Variants in NTRK2 observed in about 807,000 individuals in gnomAD.
NTRK2 encodes the protein BDNF/NT-3 growth factors receptor.
A neutral mutation model predicts 94.5 loss-of-function variants in NTRK2; 13 were observed. The ratio of observed to expected loss-of-function variants is 0.14; its 90% CI spans 0.09 to 0.22. NTRK2 has a LOEUF of 0.22. NTRK2 is among the 10% of genes least tolerant of loss of function. The pLI is 1.00. For synonymous variants in NTRK2, 372 were observed against 407.4 expected, an observed-to-expected ratio of 0.91 and a Z score of 1.05; for missense variants, 639 against 1,071.2, an observed-to-expected ratio of 0.60 and a Z score of 5.63.
intron 12 of NTRK2, among the ~76,000 whole-genome samples, chr9:84,819,084 C>T (rs1000905874): frequency 2.6e-5 from 4 of 152,158 alleles, no homozygotes; most frequent in Admixed American, 2.6e-4. Flanking sequence ...AAATCTCTGC[C>T]TGACCATAAA....
At chr9:84,759,684 G>A (rs1369663476) in intron 12 of NTRK2, among the ~76,000 whole-genome samples, 2 of 152,268 alleles carry the variant, frequency 1.3e-5, no homozygotes, top group Admixed American at 1.3e-4. Context: ...ATAGCTTATG[G>A]CCTATTTCAG....
chr9:84,995,826 G>A (rs1193153052), intron 17 of NTRK2, among the ~76,000 whole-genome samples: 7 of 152,184 alleles, frequency 4.6e-5, no homozygotes, highest in Admixed American at 4.6e-4. Flanking sequence ...AATTCCAGAT[G>A]CTTAAAGTTT....
At chr9:84,901,540 T>C (rs1001342634) in intron 14 of NTRK2, among the ~76,000 whole-genome samples, 1 of 152,124 alleles carries the variant, frequency 6.6e-6, no homozygotes, top group Admixed American at 6.6e-5. Flanking sequence ...CCATAATTTT[T>C]AAGACGTAAA....
intron 12 of NTRK2, among the ~76,000 whole-genome samples, chr9:84,816,736 G>A (rs1172240896): frequency 1.5e-5 from 2 of 136,870 alleles, no homozygotes; most frequent in East Asian, 2.1e-4. Flanking sequence ...CCAAGGTTGC[G>A]CCATTGCACT....
intron 16 of NTRK2, among the ~76,000 whole-genome samples, chr9:84,953,515 G>A (rs1189860741): frequency 6.6e-6 from 1 of 152,212 alleles, no homozygotes; most frequent in East Asian, 1.9e-4. Flanking sequence ...ATATCCCGGA[G>A]CTTTGGCCAC....
intron 14 of NTRK2, among the ~76,000 whole-genome samples, chr9:84,891,319 A>T (rs2076589950): frequency 7.9e-6 from 1 of 126,578 alleles, no homozygotes; most frequent in Non-Finnish European, 1.6e-5. Context: ...CTTTTGGTTA[A>T]AATAGCCTAG....
At chr9:84,802,812 G>A (rs1297191224) in intron 12 of NTRK2, among the ~76,000 whole-genome samples, 2 of 152,148 alleles carry the variant, frequency 1.3e-5, no homozygotes, top group Non-Finnish European at 2.9e-5. Flanking sequence ...ATAGTGATCT[G>A]CCGTTGACAG....
At chr9:84,705,134 A>G (rs1200411620) in intron 4 of NTRK2, among the ~76,000 whole-genome samples, 4 of 152,062 alleles carry the variant, frequency 2.6e-5, no homozygotes, top group African/African-American at 9.7e-5. Flanking sequence ...ATACAAGATC[A>G]GTCTATTTCA....
Position 84,924,207 on chromosome 9 carries a change from A to G in NTRK2, c.1634-9955A>G, listed in dbSNP as rs537171094. Among the ~76,000 whole-genome samples the G allele has an allele frequency of 4.7e-5, 7 of 150,384 alleles. No individual in the cohort carries two copies. In the East Asian group the frequency reaches 1.4e-3, roughly 30 times the overall value. On this transcript the variant is annotated intron_variant, in intron 14 of 18. Coordinates refer to ENST00000277120, the MANE Select transcript of NTRK2 (RefSeq NM_006180.6). ...ACTCCAGCCTGTATGACAGAGTGAG[A>G]CCCTGTCTCAAAGAAAGAAAGTAGA...
At chr9:84,702,077 C>A (rs149451431) in intron 2 of NTRK2, 82 bp from the exon 3 acceptor site, 16 of 1,297,580 alleles carry the variant, frequency 1.2e-5, no homozygotes, top group Non-Finnish European at 1.8e-5. Context: ...CCTTGGACAC[C>A]TGGGTGAGGT....
At chr9:84,815,112 C>T in intron 12 of NTRK2, 1 of 1,057,864 alleles carries the variant, frequency 9.5e-7, no homozygotes, top group Non-Finnish European at 1.1e-6. Flanking sequence ...AAATTTCCCA[C>T]TAAAGTCAGT....
chr9:84,719,702 C>A (rs1228210688), intron 6 of NTRK2, among the ~76,000 whole-genome samples: 2 of 151,968 alleles, frequency 1.3e-5, no homozygotes, highest in African/African-American at 2.4e-5. Context: ...CCAGAGTCAG[C>A]AGATAAATCT....
chr9:84,906,533 T>C (rs1283233560), intron 14 of NTRK2, among the ~76,000 whole-genome samples: 6 of 152,336 alleles, frequency 3.9e-5, no homozygotes, highest in Non-Finnish European at 5.9e-5. Context: ...CAGGGACAGA[T>C]GGAGAGTGAC....
chr9:84,781,174 A>G (rs915946046), intron 12 of NTRK2, among the ~76,000 whole-genome samples: 33 of 152,172 alleles, frequency 2.2e-4, no homozygotes, highest in Non-Finnish European at 3.8e-4. Flanking sequence ...TGTACAAAGT[A>G]ACTGTGTGGT....
intron 17 of NTRK2, among the ~76,000 whole-genome samples, chr9:85,009,242 A>G (rs911166797): frequency 2.0e-5 from 3 of 152,270 alleles, no homozygotes; most frequent in East Asian, 3.8e-4. Context: ...ATTGTATCCA[A>G]TGTTAAAGAT....
At chr9:84,724,500 A>G in intron 8 of NTRK2, 144 bp downstream of exon 8, 1 of 953,452 alleles carries the variant, frequency 1.0e-6, no homozygotes. Flanking sequence ...AAGAAACATT[A>G]TCAGCCTCTT....
At chr9:84,877,309 A>T in intron 14 of NTRK2, 1 of 1,066,038 alleles carries the variant, frequency 9.4e-7, no homozygotes, top group Non-Finnish European at 1.1e-6. Flanking sequence ...TTGTCTCAGT[A>T]TGAGGAAGAA....
intron 12 of NTRK2, among the ~76,000 whole-genome samples, chr9:84,801,160 C>A (rs2070394692): frequency 6.6e-6 from 1 of 152,036 alleles, no homozygotes; most frequent in Non-Finnish European, 1.5e-5. Context: ...GATTTTTTTT[C>A]ATCTCTATTG....
intron 11 of NTRK2, among the ~76,000 whole-genome samples, chr9:84,749,613 C>G (rs1442620565): frequency 4.6e-5 from 7 of 152,102 alleles, no homozygotes; most frequent in Non-Finnish European, 7.3e-5. Flanking sequence ...ATCATCACAG[C>G]TAACATTAAT....
Sources: gnomAD v4.1 joint callset for allele counts (sites outside exome capture counted in the v4.1 genomes callset) on GRCh38, gnomAD v4.1.1 for gene constraint, MANE v1.5 for transcripts, NCBI Gene and HGNC (gene_info 2026-07-23, HGNC 2026-07-21) for gene names.